The following MAP7 variants were observed in gnomAD, a reference collection of about 807,000 sequenced individuals.
MAP7 encodes the protein microtubule associated protein 7.
A neutral mutation model predicts 94.8 loss-of-function variants in MAP7; 52 were observed. The ratio of observed to expected loss-of-function variants is 0.55; its 90% CI spans 0.44 to 0.69. The LOEUF is 0.69. Among genes scored for constraint, MAP7 ranks in the 30% least tolerant of loss-of-function variants. The pLI, the probability that MAP7 is intolerant of heterozygous loss-of-function variation, is 0.00. For missense variants in MAP7, 940 were observed against 964.6 expected (o/e 0.97, Z 0.34); for synonymous variants, 350 against 357.0 (o/e 0.98, Z 0.22).
rs527938589 is a variant in MAP7 at position 136,505,824 on chromosome 6, C to T, written c.67+44518G>A. Among the ~76,000 whole-genome samples, 78 of 152,106 alleles carry T rather than the reference C, an allele frequency of 5.1e-4. No homozygotes were observed. The East Asian group carries it at 0.013, about 26-fold the overall frequency. ...ATTTATATATAGGACTTATTACTGG[C>T]AAGTAGCAAAAATAAGGAATTTTAA... is the stretch of plus-strand genomic sequence containing the variant. On this transcript the variant is annotated intron_variant, in intron 1 of 17. Transcript: ENST00000354570.
chr6:136,492,418 T>C (rs1237400993), intron 1 of MAP7, among the ~76,000 whole-genome samples: 1 of 152,246 alleles, frequency 6.6e-6, no homozygotes. Flanking sequence ...CATGTAATTT[T>C]CTGATGAATG....
chr6:136,470,276 A>C (rs1410547279), intron 1 of MAP7, among the ~76,000 whole-genome samples: 3 of 151,794 alleles, frequency 2.0e-5, no homozygotes, highest in Non-Finnish European at 4.4e-5. Context: ...CAAGAATTCC[A>C]TGAGGTTATG....
rs1346829495 is a variant in MAP7 at position 136,456,837 on chromosome 6, A to G, written c.68-35038T>C. On this transcript the variant is annotated intron_variant, in intron 1 of 17. Coordinates refer to ENST00000354570, the MANE Select transcript of MAP7 (RefSeq NM_003980.6). ...AGAAGAAGAAGGAAGAAGAAGAAGA[A>G]GAAGAAGAAGAGGAAGAAGAAGAAG... Among the ~76,000 whole-genome samples the G allele has an allele frequency of 2.2e-3, 258 of 117,402 alleles. 3 individuals are homozygous for G. Among genetic ancestry groups the G allele is most frequent in the East Asian group, 0.011 (47 of 4,134 alleles). 77.0% of individuals were successfully genotyped at this position (117,402 alleles called of 152,430 possible).
At chr6:136,392,496 T>C (rs947414783) in intron 3 of MAP7, among the ~76,000 whole-genome samples, 4 of 151,952 alleles carry the variant, frequency 2.6e-5, no homozygotes, top group Non-Finnish European at 5.9e-5. Context: ...TAGTATTTTA[T>C]TGTCTATATA....
intron 16 of MAP7, among the ~76,000 whole-genome samples, chr6:136,355,300 C>A (rs1790572663): frequency 6.7e-6 from 1 of 149,932 alleles, no homozygotes; most frequent in South Asian, 2.1e-4. Context: ...ATGAATTGAA[C>A]ATAATAAGTT....
At chr6:136,447,768 T>A (rs1799783784) in intron 1 of MAP7, among the ~76,000 whole-genome samples, 1 of 152,216 alleles carries the variant, frequency 6.6e-6, no homozygotes. Context: ...CTAAAACTTT[T>A]CTTAAGCAAT....
chr6:136,470,129 T>C (rs528702630), intron 1 of MAP7, among the ~76,000 whole-genome samples: 4 of 152,284 alleles, frequency 2.6e-5, no homozygotes, highest in African/African-American at 7.2e-5. Flanking sequence ...CTTCCCATCC[T>C]TTCCGATTCT....
chr6:136,485,554 G>GT (rs1562452833), intron 1 of MAP7, among the ~76,000 whole-genome samples: 9 of 124,428 alleles, frequency 7.2e-5, no homozygotes, highest in African/African-American at 3.1e-4. Flanking sequence ...TTCCACTTCA[G>GT]ATTTTTTTTT....
intron 1 of MAP7, among the ~76,000 whole-genome samples, chr6:136,522,751 GT>G (rs2129049382): frequency 6.6e-6 from 1 of 152,338 alleles, no homozygotes; most frequent in South Asian, 2.1e-4. Context: ...ATAAGAGATG[GT>G]CAAGCACAGT....
At position 136,371,281 on chromosome 6, in the gene MAP7, G is replaced by T. The variant is rs1307176712; in HGVS notation, c.876+1220C>A. On this transcript the variant is annotated intron_variant, in intron 8 of 17. Coordinates refer to ENST00000354570, the MANE Select transcript of MAP7 (RefSeq NM_003980.6). ...ACAAGATAGTTTTTCCATGGTAAAT[G>T]CTCTTTTCCCCTGCCCAGTGAGTAC... 2.6e-5 allele frequency among the ~76,000 whole-genome samples: 4 copies of T among 152,288 alleles called. No homozygotes were observed. The East Asian group carries it at 5.8e-4, about 22-fold the overall frequency.
At chr6:136,368,598 T>C (rs977704204) in intron 8 of MAP7, among the ~76,000 whole-genome samples, 2 of 152,200 alleles carry the variant, frequency 1.3e-5, no homozygotes, top group Admixed American at 6.5e-5. Flanking sequence ...TAAATCTAAA[T>C]TAATTCAAAT....
At chr6:136,504,353 T>C (rs1583085376) in intron 1 of MAP7, among the ~76,000 whole-genome samples, 1 of 151,286 alleles carries the variant, frequency 6.6e-6, no homozygotes, top group East Asian at 1.9e-4. Context: ...TTTGTTTTGT[T>C]TTTTTTTTGG....
chr6:136,354,531 A>G (rs1312422238), intron 16 of MAP7, among the ~76,000 whole-genome samples: 1 of 150,168 alleles, frequency 6.7e-6, no homozygotes, highest in Non-Finnish European at 1.5e-5. Context: ...TAGATGGCCA[A>G]TGGATTTCAT....
chr6:136,500,075 T>C (rs1428403891), intron 1 of MAP7, among the ~76,000 whole-genome samples: 9 of 152,198 alleles, frequency 5.9e-5, no homozygotes, highest in Non-Finnish European at 1.5e-5. Context: ...ACTCCAGCAC[T>C]TCCTAGTTGT....
intron 1 of MAP7, among the ~76,000 whole-genome samples, chr6:136,516,611 A>G (rs1219880414): frequency 2.0e-5 from 3 of 152,188 alleles, no homozygotes; most frequent in Non-Finnish European, 4.4e-5. Flanking sequence ...GCTGGCATAT[A>G]TATGTTCAAT....
Position 136,550,170 on chromosome 6 carries a change from G to A in MAP7, c.67+172C>T, listed in dbSNP as rs1466506263. On this transcript the variant is annotated intron_variant, in intron 1 of 17. Transcript: ENST00000354570. The surrounding 1 kb of genome is among the most constrained non-coding windows in gnomAD (Gnocchi z 5.1). ...GCCGAGCCGCGGCGGCGAAGGGCGG[G>A]GGAAGGCGCTCTCGGAGCAGGGTGC... Among the ~76,000 whole-genome samples, 1 of 150,720 alleles carries A rather than the reference G, an allele frequency of 6.6e-6. No homozygotes were observed. Among genetic ancestry groups the A allele is most frequent in the Non-Finnish European group, 1.5e-5 (1 of 67,580 alleles).
intron 6 of MAP7, among the ~76,000 whole-genome samples, chr6:136,380,850 C>T (rs1288031221): frequency 6.6e-6 from 1 of 152,146 alleles, no homozygotes; most frequent in Non-Finnish European, 1.5e-5. Flanking sequence ...CTTTGGAGGG[C>T]CCGGGGAAGC....
intron 2 of MAP7, among the ~76,000 whole-genome samples, chr6:136,415,643 T>G (rs1472947949): frequency 6.6e-6 from 1 of 152,186 alleles, no homozygotes; most frequent in Non-Finnish European, 1.5e-5. Context: ...AAGTGCTAGT[T>G]TTTCTCTGAT....
At chr6:136,532,686 T>C (rs3778316) in intron 1 of MAP7, among the ~76,000 whole-genome samples, 10 of 151,754 alleles carry the variant, frequency 6.6e-5, no homozygotes, top group Non-Finnish European at 1.0e-4. Flanking sequence ...TTGATGCAAA[T>C]GGAAAGTCGA....
Sources: allele counts gnomAD v4.1 joint callset (sites outside exome capture counted in the v4.1 genomes callset), GRCh38; gene constraint gnomAD v4.1.1; non-coding constraint Gnocchi (gnomAD v3.1); transcripts MANE v1.5; gene names NCBI Gene and HGNC (gene_info 2026-07-23, HGNC 2026-07-21).